Variants in SNX29 observed in about 807,000 individuals in gnomAD.
SNX29 encodes the protein sorting nexin-29.
Under a neutral mutation model 102.1 loss-of-function variants are expected in SNX29, and 78 were observed. The observed-to-expected ratio is 0.76, with a 90% CI of 0.64 to 0.92. The LOEUF (loss-of-function observed/expected upper bound fraction) is 0.92. Ranked by LOEUF, SNX29 falls within the 40% of genes least tolerant of loss-of-function variation. SNX29 has a pLI of 0.00. For missense variants in SNX29, 1,280 were observed against 1,061.7 expected, an observed-to-expected ratio of 1.21 and a Z score of -2.86; for synonymous variants, 580 against 414.5, an observed-to-expected ratio of 1.40 and a Z score of -4.85.
intron 14 of SNX29, among the ~76,000 whole-genome samples, chr16:12,232,272 A>G (rs1854064085): frequency 6.6e-6 from 1 of 152,212 alleles, no homozygotes; most frequent in Non-Finnish European, 1.5e-5. Flanking sequence ...CACACCTGTA[A>G]TCTTTGAACT....
chr16:12,191,596 C>G (rs1283334916), intron 13 of SNX29, among the ~76,000 whole-genome samples: 1 of 152,184 alleles, frequency 6.6e-6, no homozygotes, highest in Non-Finnish European at 1.5e-5. Flanking sequence ...TGTAAGAATG[C>G]ATGTTGGGCT....
At chr16:12,537,106 C>T (rs1220242736) in intron 20 of SNX29, among the ~76,000 whole-genome samples, 1 of 152,210 alleles carries the variant, frequency 6.6e-6, no homozygotes, top group Non-Finnish European at 1.5e-5. Flanking sequence ...CGGTCAGTCC[C>T]TTTCCTCCCA....
rs367638605 is a variant in SNX29 at position 12,083,277 on chromosome 16, G to A, written c.1402+4362G>A. Among the ~76,000 whole-genome samples, 75 of 149,892 alleles carry A rather than the reference G, an allele frequency of 5.0e-4. 1 individual carries two copies. In the South Asian group the frequency reaches 0.015, roughly 30 times the overall value. ...GCTGAGATTGCACCACTGCACTCCA[G>A]CCTGGGCGACAGAGCAAGACTATGT... On this transcript the variant is annotated intron_variant, in intron 11 of 20. Transcript: ENST00000566228.
intron 14 of SNX29, among the ~76,000 whole-genome samples, chr16:12,231,359 ACTC>A (rs1434034387): frequency 3.3e-5 from 5 of 151,664 alleles, no homozygotes; most frequent in Non-Finnish European, 1.5e-5. Flanking sequence ...ACATAATTGA[ACTC>A]CTGCTGTGCA....
chr16:12,523,183 G>C (rs1057445565), intron 19 of SNX29, among the ~76,000 whole-genome samples: 1 of 152,182 alleles, frequency 6.6e-6, no homozygotes, highest in South Asian at 2.1e-4. Context: ...GACAGATTGT[G>C]ACTGAGCCCC....
At chr16:12,443,508 A>G (rs1229680028) in intron 18 of SNX29, 1 of 152,946 alleles carries the variant, frequency 6.5e-6, no homozygotes, top group Non-Finnish European at 1.5e-5. Context: ...GCAGGAGTGC[A>G]GTGGTGCTAT....
intron 8 of SNX29, among the ~76,000 whole-genome samples, chr16:12,058,477 T>G (rs994679040): frequency 1.4e-4 from 19 of 136,840 alleles, no homozygotes; most frequent in African/African-American, 4.8e-4. Context: ...CCACTGGTGT[T>G]TTTTTTTTTG....
At chr16:12,480,861 A>G (rs1052025178) in intron 19 of SNX29, among the ~76,000 whole-genome samples, 4 of 152,186 alleles carry the variant, frequency 2.6e-5, no homozygotes, top group African/African-American at 9.6e-5. Flanking sequence ...GGAGCTGGGA[A>G]CTGTTTTGTT....
At chr16:12,151,274 C>T (rs886132512) in intron 13 of SNX29, among the ~76,000 whole-genome samples, 2 of 151,192 alleles carry the variant, frequency 1.3e-5, no homozygotes, top group Non-Finnish European at 1.5e-5. Context: ...GAATCTCTTA[C>T]AGTAAGACAA....
chr16:12,203,066 T>G (rs1160582621), intron 14 of SNX29, among the ~76,000 whole-genome samples: 1 of 150,292 alleles, frequency 6.7e-6, no homozygotes, highest in Non-Finnish European at 1.5e-5. Context: ...CTGGTGGCAT[T>G]GGAGGTGACA....
At chr16:12,015,324 T>G (rs2056811312) in intron 3 of SNX29, among the ~76,000 whole-genome samples, 1 of 152,104 alleles carries the variant, frequency 6.6e-6, no homozygotes, top group African/African-American at 2.4e-5. Flanking sequence ...CTCAGCTCAC[T>G]GAAACTCTCT....
chr16:12,405,016 C>T (rs1437323921), intron 18 of SNX29, among the ~76,000 whole-genome samples: 4 of 152,166 alleles, frequency 2.6e-5, no homozygotes, highest in Non-Finnish European at 4.4e-5. Flanking sequence ...TTCCCAGCTC[C>T]GGTTTAAAGG....
intron 4 of SNX29, among the ~76,000 whole-genome samples, chr16:12,033,322 C>G (rs370670480): frequency 1.3e-5 from 2 of 151,996 alleles, no homozygotes. Context: ...AGGCTGGTCT[C>G]AAATTCCTTG....
chr16:11,981,003 C>G (rs1272657077), intron 1 of SNX29, among the ~76,000 whole-genome samples: 1 of 151,580 alleles, frequency 6.6e-6, no homozygotes. Context: ...CTCTATCACC[C>G]AGGCTGGAGT....
At chr16:12,403,206 G>GTA (rs1567527799) in intron 17 of SNX29, among the ~76,000 whole-genome samples, 7 of 107,258 alleles carry the variant, frequency 6.5e-5, no homozygotes, top group African/African-American at 4.4e-5. Flanking sequence ...GTGTGTATGT[G>GTA]TGTGTGTGTG....
At chr16:12,546,955 C>T (rs932105954) in intron 20 of SNX29, among the ~76,000 whole-genome samples, 8 of 152,274 alleles carry the variant, frequency 5.3e-5, no homozygotes, top group South Asian at 2.1e-4. Context: ...ATTCCCCACC[C>T]CTCCATCCAC....
At chr16:12,346,341 C>G (rs1255142498) in intron 15 of SNX29, among the ~76,000 whole-genome samples, 1 of 152,152 alleles carries the variant, frequency 6.6e-6, no homozygotes, top group Admixed American at 6.5e-5. Context: ...TTATGGAGTA[C>G]TTTACGTAAC....
At position 12,462,043 on chromosome 16, in the gene SNX29, A is replaced by ACACT. The variant is rs1457322919; in HGVS notation, c.2038-15675_2038-15674insACTC. Among the ~76,000 whole-genome samples the ACACT allele has an allele frequency of 1.7e-4, 22 of 126,650 alleles. 1 individual carries two copies. Among genetic ancestry groups the ACACT allele is most frequent in the African/African-American group, 6.2e-4 (21 of 34,100 alleles). 83.1% of individuals were successfully genotyped at this position (126,650 alleles called of 152,430 possible). A position where few individuals can be genotyped will look rare whatever the true frequency, so the allele number is the denominator to read the frequency against. ...CACACACACACACACACACACACAC[A>ACACT]CTCTTATATATGAGAAAATATCCAG... On this transcript the variant is annotated intron_variant, in intron 18 of 20. Transcript: ENST00000566228.
intron 20 of SNX29, among the ~76,000 whole-genome samples, chr16:12,567,193 G>A (rs1033048014): frequency 4.6e-5 from 7 of 152,082 alleles, no homozygotes; most frequent in African/African-American, 2.4e-5. Flanking sequence ...TTCTCACTTG[G>A]CATCTTTGGT....
Sources: allele counts gnomAD v4.1 joint callset (sites outside exome capture counted in the v4.1 genomes callset), GRCh38; gene constraint gnomAD v4.1.1; transcripts MANE v1.5; gene names NCBI Gene and HGNC (gene_info 2026-07-23, HGNC 2026-07-21).